The following PVT1 variants were observed in gnomAD, a reference collection of about 807,000 sequenced individuals.
PVT1 encodes CXCR4/PVT1 fusion.
chr8:128,050,136 AAGG>A (rs1216006904), intron 4 of PVT1, among the ~76,000 whole-genome samples: 1 of 152,270 alleles, frequency 6.6e-6, no homozygotes, highest in Non-Finnish European at 1.5e-5. Flanking sequence ...TAAGAAGAGG[AAGG>A]AGAAGTGGTT....
chr8:127,836,282 T>C (rs1027953577), intron 2 of PVT1, among the ~76,000 whole-genome samples: 1 of 152,192 alleles, frequency 6.6e-6, no homozygotes, highest in South Asian at 2.1e-4. Flanking sequence ...TTCATACATA[T>C]TCTTTTTTTA....
At chr8:127,821,457 A>G (rs1814727949) in intron 2 of PVT1, among the ~76,000 whole-genome samples, 1 of 152,262 alleles carries the variant, frequency 6.6e-6, no homozygotes. Context: ...TAAATAAAAC[A>G]TTAAAAATGA....
At chr8:127,968,642 A>G (rs887199154) in intron 3 of PVT1, among the ~76,000 whole-genome samples, 6 of 152,200 alleles carry the variant, frequency 3.9e-5, no homozygotes, top group African/African-American at 7.2e-5. Flanking sequence ...GGTGAATTGT[A>G]TCCCCTAAAT....
rs192980533 is a variant in PVT1 at position 128,074,570 on chromosome 8, A to G, written n.1114+4209A>G. Among the ~76,000 whole-genome samples the G allele has an allele frequency of 5.2e-3, 783 of 151,688 alleles. 4 individuals are homozygous for G. Among genetic ancestry groups the G allele is most frequent in the Middle Eastern group, 0.014 (4 of 284 alleles). On this transcript the variant is annotated intron_variant and non_coding_transcript_variant, in intron 5 of 10. Transcript: ENST00000651587. ...CTCCTTCCCACTCATTTCTCCCATA[A>G]CATGTAATGCTTTTTATAGTGATTT...
rs552065915 is a variant in PVT1 at position 127,917,711 on chromosome 8, G to A, written n.782+26713G>A. 1.0e-3 allele frequency among the ~76,000 whole-genome samples: 152 copies of A among 152,374 alleles called. 2 individuals carry two copies. The Middle Eastern group carries it at 0.017, about 17-fold the overall frequency. On this transcript the variant is annotated intron_variant and non_coding_transcript_variant, in intron 3 of 10. Coordinates refer to ENST00000651587, the Ensembl canonical transcript of PVT1. ...GGAGGTGCACAGCAGTGGCTTGGCCGCCCCAACGCGCCTACAGCCCGCTCT... is the reference window on the plus strand; with the variant it reads ...GGAGGTGCACAGCAGTGGCTTGGCCACCCCAACGCGCCTACAGCCCGCTCT...
intron 5 of PVT1, among the ~76,000 whole-genome samples, chr8:128,073,369 C>T (rs1277850569): frequency 6.6e-6 from 1 of 152,066 alleles, no homozygotes; most frequent in Non-Finnish European, 1.5e-5. Context: ...CTCCCTCCAT[C>T]CCTTCATTCC....
chr8:127,900,145 G>A (rs905561718), intron 3 of PVT1, among the ~76,000 whole-genome samples: 2 of 152,024 alleles, frequency 1.3e-5, no homozygotes, highest in African/African-American at 2.4e-5. Flanking sequence ...AGGTTCAAGC[G>A]ATTCTCCTGC....
At chr8:127,812,343 G>C (rs922409103) in intron 2 of PVT1, among the ~76,000 whole-genome samples, 1 of 151,656 alleles carries the variant, frequency 6.6e-6, no homozygotes, top group African/African-American at 2.4e-5. Context: ...CTGGCACTTT[G>C]GGAGGCTGAG....
chr8:127,807,836 C>T (rs1435123220), intron 2 of PVT1, among the ~76,000 whole-genome samples: 1 of 150,386 alleles, frequency 6.6e-6, no homozygotes, highest in African/African-American at 2.4e-5. Flanking sequence ...GGCGCCATCT[C>T]GGCTCACCGC....
At chr8:127,891,836 G>C (rs1440608163) in intron 3 of PVT1, among the ~76,000 whole-genome samples, 1 of 152,230 alleles carries the variant, frequency 6.6e-6, no homozygotes, top group Non-Finnish European at 1.5e-5. Flanking sequence ...TGACAAGTCA[G>C]TGGCAGATGA....
chr8:127,842,322 A>G lies in PVT1; in HGVS notation n.372+46251A>G, dbSNP rs189012658. ...CAGGCTGGAGTGCAGAAGTACAATC[A>G]TATCTCACTGCAGGTTTCAACTCCT... is the stretch of plus-strand genomic sequence containing the variant. On this transcript the variant is annotated intron_variant and non_coding_transcript_variant, in intron 2 of 10. Coordinates refer to ENST00000651587, the Ensembl canonical transcript of PVT1. 7.3e-5 allele frequency among the ~76,000 whole-genome samples: 11 copies of G among 151,170 alleles called. No individual in the cohort carries two copies. The East Asian group carries it at 2.1e-3, about 29-fold the overall frequency.
At chr8:127,832,051 T>C (rs1213570289) in intron 2 of PVT1, among the ~76,000 whole-genome samples, 4 of 152,310 alleles carry the variant, frequency 2.6e-5, no homozygotes, top group Admixed American at 2.6e-4. Flanking sequence ...ATTATTCCCA[T>C]TTTACAGATG....
In PVT1 at chr8:128,095,943, A is replaced by G. The variant is rs534902481; in HGVS notation, n.1115-575A>G. On this transcript the variant is annotated intron_variant and non_coding_transcript_variant, in intron 5 of 10. Transcript: ENST00000651587. ...GTGCCCTCCAGATCTCATATGTAAGATGGTGTTACTTTCATTTCTTTGTAA... is the reference window on the plus strand; with the variant it reads ...GTGCCCTCCAGATCTCATATGTAAGGTGGTGTTACTTTCATTTCTTTGTAA... Among the ~76,000 whole-genome samples the G allele has an allele frequency of 2.6e-5, 4 of 152,350 alleles. No homozygotes were observed. The South Asian group carries it at 8.3e-4, about 32-fold the overall frequency.
chr8:127,817,157 T>C (rs1239890673), intron 2 of PVT1, among the ~76,000 whole-genome samples: 2 of 151,960 alleles, frequency 1.3e-5, no homozygotes, highest in Non-Finnish European at 2.9e-5. Context: ...GGAATGGACT[T>C]CTATGGCCAA....
At chr8:128,037,264 TG>T (rs1488784476) in intron 4 of PVT1, among the ~76,000 whole-genome samples, 1 of 152,244 alleles carries the variant, frequency 6.6e-6, no homozygotes, top group Non-Finnish European at 1.5e-5. Context: ...CAGTTGGTGA[TG>T]GGACATACGC....
At chr8:127,932,745 A>G (rs1187304938) in intron 3 of PVT1, 3 of 303,662 alleles carry the variant, frequency 9.9e-6, no homozygotes, top group African/African-American at 3.1e-5. Context: ...TCTTATTTTT[A>G]TCTCAATAAG....
chr8:128,031,519 A>C (rs1174109320), intron 4 of PVT1, among the ~76,000 whole-genome samples: 1 of 152,174 alleles, frequency 6.6e-6, no homozygotes, highest in Non-Finnish European at 1.5e-5. Context: ...GAAGCTAAGC[A>C]AGGCTCTTCA....
At chr8:127,956,528 A>G (rs1358021335) in intron 3 of PVT1, among the ~76,000 whole-genome samples, 2 of 152,386 alleles carry the variant, frequency 1.3e-5, no homozygotes, top group Admixed American at 6.5e-5. Flanking sequence ...CTCTGTTGCC[A>G]GGCTGGAGTG....
At chr8:128,026,476 G>A (rs2130063089) in intron 4 of PVT1, among the ~76,000 whole-genome samples, 1 of 152,254 alleles carries the variant, frequency 6.6e-6, no homozygotes, top group East Asian at 1.9e-4. Context: ...ACCTGAGGAA[G>A]CTGAGGCTCA....
Sources: gnomAD v4.1 joint callset for allele counts (sites outside exome capture counted in the v4.1 genomes callset) on GRCh38, gnomAD v4.1.1 for gene constraint, MANE v1.5 for transcripts, NCBI Gene and HGNC (gene_info 2026-07-23, HGNC 2026-07-21) for gene names.